TRIO: variants seen among roughly 807,000 people sequenced by gnomAD.
TRIO encodes the protein triple functional domain protein.
Under a neutral mutation model 351.9 loss-of-function variants are expected in TRIO, and 58 were observed. The observed-to-expected ratio is 0.16, with a 90% confidence interval of 0.13 to 0.21. TRIO has a LOEUF of 0.21. TRIO is among the 10% of genes least tolerant of loss of function. TRIO has a pLI of 1.00. For missense variants in TRIO, 3,201 were observed against 4,027.8 expected (o/e 0.79, Z 5.56); for synonymous variants, 1,758 against 1,595.7 (o/e 1.10, Z -2.42).
In TRIO at chr5:14,290,849, G is replaced by C. The variant is rs1213307648; in HGVS notation, c.674G>C (p.Ser225Thr). 1 of 1,614,118 alleles carries C rather than the reference G, an allele frequency of 6.2e-7. No individual in the cohort carries two copies. The highest frequency in any genetic ancestry group is 1.1e-5 in the South Asian group (1 of 91,078). The stretch of plus-strand genomic sequence containing the variant: ...AGAGTTGCTTTTGAAGACTACATTA[G>C]CAATGCCACCCACATGCTGTCTCGG... The part of the protein sequence containing the change: ...EIRVAFEDYI[S>T]NATHMLSRLE... The change falls in exon 5 of 57, where the codon AGC becomes ACC. Residue 225 changes from serine to threonine, a missense_variant. By Grantham distance (58) the Ser-to-Thr change is moderately conservative (BLOSUM62 1). Coordinates refer to ENST00000344204, the MANE Select transcript of TRIO (RefSeq NM_007118.4).
chr5:14,271,263 CT>C (rs1342328720), intron 2 of TRIO, among the ~76,000 whole-genome samples: 4 of 152,206 alleles, frequency 2.6e-5, no homozygotes, highest in African/African-American at 9.6e-5. Context: ...GAATTTCTCA[CT>C]TTTGTTTCTC....
intron 25 of TRIO, 126 bp from the exon 26 acceptor site, chr5:14,390,105 C>T: frequency 2.6e-6 from 2 of 770,174 alleles, no homozygotes; most frequent in Non-Finnish European, 4.2e-6. Context: ...AATAACTTAC[C>T]CTAGTTAAGA....
chr5:14,269,298 C>T (rs1028100468), intron 1 of TRIO, among the ~76,000 whole-genome samples: 3 of 152,184 alleles, frequency 2.0e-5, no homozygotes, highest in Non-Finnish European at 4.4e-5. Flanking sequence ...CAGATCACAC[C>T]GCTGATTTAT....
chr5:14,209,039 A>G (rs1304270281), intron 1 of TRIO, among the ~76,000 whole-genome samples: 1 of 152,270 alleles, frequency 6.6e-6, no homozygotes, highest in East Asian at 1.9e-4. Flanking sequence ...ATAGTGCACC[A>G]GAATTTATTC....
At chr5:14,184,540 A>C (rs533225704) in intron 1 of TRIO, among the ~76,000 whole-genome samples, 1 of 152,364 alleles carries the variant, frequency 6.6e-6, no homozygotes, top group South Asian at 2.1e-4. Context: ...CCTCTAGTGT[A>C]ATTCAGGACT....
chr5:14,293,932 T>C (rs1737122458), intron 6 of TRIO, among the ~76,000 whole-genome samples: 1 of 152,082 alleles, frequency 6.6e-6, no homozygotes, highest in African/African-American at 2.4e-5. Flanking sequence ...GATTGTCCAC[T>C]CTTAAACCTT....
intron 33 of TRIO, among the ~76,000 whole-genome samples, chr5:14,407,441 G>C (rs1463101329): frequency 6.6e-6 from 1 of 152,222 alleles, no homozygotes; most frequent in Non-Finnish European, 1.5e-5. Flanking sequence ...CTGAAGGCCT[G>C]GGAGAAGATG....
chr5:14,474,545 G>A (rs1754909458), intron 40 of TRIO, among the ~76,000 whole-genome samples: 1 of 152,314 alleles, frequency 6.6e-6, no homozygotes, highest in African/African-American at 2.4e-5. Flanking sequence ...AGAGTACTTA[G>A]AACAACATCT....
At chr5:14,323,100 C>A (rs1740032844) in intron 9 of TRIO, among the ~76,000 whole-genome samples, 1 of 152,202 alleles carries the variant, frequency 6.6e-6, no homozygotes, top group Admixed American at 6.5e-5. Flanking sequence ...ACACACCCCT[C>A]ATCTAAAACA....
At chr5:14,301,341 G>T (rs1461247857) in intron 7 of TRIO, among the ~76,000 whole-genome samples, 1 of 152,032 alleles carries the variant, frequency 6.6e-6, no homozygotes, top group Non-Finnish European at 1.5e-5. Context: ...TGAACTGACA[G>T]AGCAACATTT....
At chr5:14,174,098 G>A (rs1789266018) in intron 1 of TRIO, among the ~76,000 whole-genome samples, 1 of 152,200 alleles carries the variant, frequency 6.6e-6, no homozygotes. Context: ...AGATCCACTT[G>A]ATAGAGCTGC....
At chr5:14,404,124 C>G (rs1364029846) in intron 31 of TRIO, among the ~76,000 whole-genome samples, 1 of 151,428 alleles carries the variant, frequency 6.6e-6, no homozygotes, top group African/African-American at 2.4e-5. Context: ...GTAGAGGTAT[C>G]GTGCTGCTGG....
intron 31 of TRIO, among the ~76,000 whole-genome samples, chr5:14,403,201 TGTGGTGAGGGTGCAGGTTGTG>T (rs1561447196): frequency 2.6e-4 from 15 of 57,342 alleles, no homozygotes; most frequent in African/African-American, 6.2e-4. Flanking sequence ...GGGTGCAGGT[TGTGGTGAGGGTGCAGGTTGTG>T]GTGAGGGTGT....
intron 19 of TRIO, among the ~76,000 whole-genome samples, chr5:14,375,979 A>G (rs1487948690): frequency 1.3e-5 from 2 of 152,158 alleles, no homozygotes; most frequent in African/African-American, 4.8e-5. Flanking sequence ...GTCTAAAGGC[A>G]TTTTTTATTG....
chr5:14,178,457 G>T (rs1398256143), intron 1 of TRIO, among the ~76,000 whole-genome samples: 1 of 152,200 alleles, frequency 6.6e-6, no homozygotes, highest in Admixed American at 6.5e-5. Context: ...AAGGTGACAG[G>T]TGTTGCTGTC....
At chr5:14,503,766 C>T (rs911625072) in intron 54 of TRIO, among the ~76,000 whole-genome samples, 10 of 152,212 alleles carry the variant, frequency 6.6e-5, no homozygotes, top group Non-Finnish European at 1.0e-4. Context: ...TTTAACCACA[C>T]AGTCTGCCCG....
intron 53 of TRIO, among the ~76,000 whole-genome samples, chr5:14,501,176 C>T (rs1757276962): frequency 6.6e-6 from 1 of 151,894 alleles, no homozygotes; most frequent in Non-Finnish European, 1.5e-5. Flanking sequence ...TTGGTAGATG[C>T]TTCAAATCTG....
At chr5:14,341,419 T>C (rs1405348737) in intron 11 of TRIO, among the ~76,000 whole-genome samples, 3 of 152,366 alleles carry the variant, frequency 2.0e-5, no homozygotes, top group East Asian at 3.9e-4. Context: ...TTGTTTCTCT[T>C]GGTAGCCTTT....
At chr5:14,261,149 T>C (rs565351965) in intron 1 of TRIO, among the ~76,000 whole-genome samples, 3 of 152,322 alleles carry the variant, frequency 2.0e-5, no homozygotes, top group East Asian at 3.9e-4. Flanking sequence ...TAAGCCAAAT[T>C]TTAAACCCAA....
Sources: gnomAD v4.1 joint callset for allele counts (sites outside exome capture counted in the v4.1 genomes callset) on GRCh38, gnomAD v4.1.1 for gene constraint, MANE v1.5 for transcripts, NCBI Gene and HGNC (gene_info 2026-07-23, HGNC 2026-07-21) for gene names.